Variants in C1QA observed in about 807,000 individuals in gnomAD.
C1QA encodes the protein complement C1q A chain.
A neutral mutation model predicts 6.9 loss-of-function variants in C1QA; 3 were observed. The ratio of observed to expected loss-of-function variants is 0.44; its 90% CI spans 0.20 to 1.12. C1QA has a LOEUF of 1.12. Ranked by LOEUF, C1QA falls within the 50% of genes most tolerant of loss-of-function variation. The probability of loss-of-function intolerance (pLI) is 0.27; values close to 1 mark genes in which losing one functional copy is unlikely to be tolerated. For synonymous variants in C1QA, 128 were observed against 134.1 expected (o/e 0.95, Z 0.31); for missense variants, 273 against 326.6 (o/e 0.84, Z 1.26).
chr1:22,636,961 T>C (rs17883291), intron 1 of C1QA: 186 of 154,692 alleles, frequency 1.2e-3, no homozygotes, highest in African/African-American at 4.4e-3. Flanking sequence ...GGTTCCTGGG[T>C]CCTGGCCCCA....
upstream of C1QA, chr1:22,636,526 G>GA (rs1642184618): frequency 6.6e-6 from 1 of 152,372 alleles, no homozygotes; most frequent in African/African-American, 2.4e-5. Context: ...AAGTCTGCTT[G>GA]AAATGTCCCT....
rs1044379 is a variant in C1QA, at chr1:22,639,563, C to T, written c.*156C>T. Reference sequence around the variant, plus strand: ...GACACATGCTCTAAGAAGCTCGTTTCTTAGACCTCTTCCTGGAATAAACAT... The same window carrying T: ...GACACATGCTCTAAGAAGCTCGTTTTTTAGACCTCTTCCTGGAATAAACAT... On this transcript the variant is annotated 3_prime_UTR_variant, in exon 3 of 3. Coordinates refer to ENST00000374642, the MANE Select transcript of C1QA (RefSeq NM_015991.4). The surrounding 1 kb of genome is among the most constrained non-coding windows in gnomAD (Gnocchi z 4.6). The T allele has an allele frequency of 9.5e-6, 7 of 734,804 alleles. No homozygotes were observed. Among genetic ancestry groups the T allele is most frequent in the Non-Finnish European group, 1.6e-5 (7 of 451,406 alleles). The allele number at this position is 734,804 out of a possible 1,614,324, so 45.5% of individuals were successfully genotyped here.
In C1QA at chr1:22,637,831, C is replaced by T. The variant is rs1481045612; in HGVS notation, c.163+52C>T. 11 of 1,518,030 alleles carry T rather than the reference C, an allele frequency of 7.2e-6. No individual in the cohort carries two copies. In the African/African-American group the frequency reaches 1.4e-4, roughly 19 times the overall value. 94.0% of individuals were successfully genotyped at this position (1,518,030 alleles called of 1,614,324 possible). A position where few individuals can be genotyped will look rare whatever the true frequency, so the allele number is the denominator to read the frequency against. ...CCCTTGGACCTTGGCCTGACTTGGC[C>T]TCCAGGGTGAAGGCTTGGGGTGGCA... On this transcript the variant is annotated intron_variant, in intron 2 of 2. Transcript: ENST00000374642. The surrounding 1 kb of genome is among the most constrained non-coding windows in gnomAD (Gnocchi z 4.4).
At position 22,637,314 on chromosome 1, in the gene C1QA, T is replaced by C. The variant is rs1642195794; in HGVS notation, c.-7-296T>C. On this transcript the variant is annotated intron_variant, in intron 1 of 2. Coordinates refer to ENST00000374642, the MANE Select transcript of C1QA (RefSeq NM_015991.4). This position sits in a 1 kb window ranked among gnomAD's most constrained non-coding sequence, Gnocchi z 4.4. Reference sequence around the variant, plus strand: ...CAGTTGTGTGTCTAGGGGGGTATAGTGGATTTCTGAGTTTGCCTACTGTGT... The same window carrying C: ...CAGTTGTGTGTCTAGGGGGGTATAGCGGATTTCTGAGTTTGCCTACTGTGT... 6.6e-6 allele frequency among the ~76,000 whole-genome samples: 1 copy of C among 152,078 alleles called. No homozygotes were observed. The highest frequency in any genetic ancestry group is 1.5e-5 in the Non-Finnish European group (1 of 68,006).
rs147435427 is a variant in C1QA, at chr1:22,637,706, C to A, written c.90C>A (p.Asp30Glu). The A allele has an allele frequency of 6.2e-7, 1 of 1,613,398 alleles. No individual in the cohort carries two copies. Among genetic ancestry groups the A allele is most frequent in the African/African-American group, 1.3e-5 (1 of 74,866 alleles). Residue 30 changes from aspartate to glutamate, a missense_variant, in exon 2 of 3, where the codon GAC (aspartate) becomes GAA (glutamate). Transcript: ENST00000374642. The surrounding 1 kb of genome is among the most constrained non-coding windows in gnomAD (Gnocchi z 4.4). Reference sequence around the variant, plus strand: ...CCGAGGACTTGTGCCGAGCACCAGACGGGAAGAAAGGGGAGGCAGGAAGAC... The same window carrying A: ...CCGAGGACTTGTGCCGAGCACCAGAAGGGAAGAAAGGGGAGGCAGGAAGAC... ...MVTEDLCRAP[D>E]GKKGEAGRPG...
chr1:22,637,351 G>A lies in C1QA; in HGVS notation c.-7-259G>A, dbSNP rs1642196423. On this transcript the variant is annotated intron_variant, in intron 1 of 2. Coordinates refer to ENST00000374642, the MANE Select transcript of C1QA (RefSeq NM_015991.4). This position sits in a 1 kb window ranked among gnomAD's most constrained non-coding sequence, Gnocchi z 4.4. ...TTTGCCTACTGTGTTTTGTAGGTGC[G>A]TGGATGAGAGCTGTGTTTGTGTGAG... 1.3e-5 allele frequency among the ~76,000 whole-genome samples: 2 copies of A among 152,126 alleles called. No individual in the cohort carries two copies. The highest frequency in any genetic ancestry group is 1.5e-5 in the Non-Finnish European group (1 of 68,026).
chr1:22,637,449 G>A lies in C1QA; in HGVS notation c.-7-161G>A. 1.2e-6 allele frequency: 1 copy of A among 810,542 alleles called. No individual in the cohort carries two copies. Among genetic ancestry groups the A allele is most frequent in the South Asian group, 1.7e-5 (1 of 60,560 alleles). 50.2% of individuals were successfully genotyped at this position (810,542 alleles called of 1,614,324 possible). A position where few individuals can be genotyped will look rare whatever the true frequency, so the allele number is the denominator to read the frequency against. On this transcript the variant is annotated intron_variant, in intron 1 of 2. Coordinates refer to ENST00000374642, the MANE Select transcript of C1QA (RefSeq NM_015991.4). This position sits in a 1 kb window ranked among gnomAD's most constrained non-coding sequence, Gnocchi z 4.4. ...GTTTGTGGTTCTGTGTATATGCGTGGGGTCCTGGGGCTGGATTGAGAGTGG... is the reference window on the plus strand; with the variant it reads ...GTTTGTGGTTCTGTGTATATGCGTGAGGTCCTGGGGCTGGATTGAGAGTGG...
chr1:22,638,874 G>A lies in C1QA; in HGVS notation c.205G>A (p.Asp69Asn). The part of the protein sequence containing the change: ...IRTGIQGLKG[D>N]QGEPGPSGNP... ...GACAGGCATCCAAGGCCTTAAAGGAGACCAGGGGGAACCTGGGCCCTCTGG... is the reference window on the plus strand; with the variant it reads ...GACAGGCATCCAAGGCCTTAAAGGAAACCAGGGGGAACCTGGGCCCTCTGG... Residue 69 changes from aspartate (D) to asparagine (N), a missense_variant, in exon 3 of 3, where the codon GAC becomes AAC. Coordinates refer to ENST00000374642, the MANE Select transcript of C1QA (RefSeq NM_015991.4). 1.9e-6 allele frequency: 3 copies of A among 1,594,980 alleles called. No homozygotes were observed. Among genetic ancestry groups the A allele is most frequent in the Non-Finnish European group, 2.6e-6 (3 of 1,171,388 alleles).
At chr1:22,638,774 C>T in intron 2 of C1QA, 59 bp from the exon 3 acceptor site, 2 of 1,536,466 alleles carry the variant, frequency 1.3e-6, no homozygotes, top group East Asian at 4.9e-5. Flanking sequence ...GTCCAGCTCT[C>T]TCCCTGAGGA....
At position 22,639,436 on chromosome 1, in the gene C1QA, C is replaced by T. The variant is rs1227792976; in HGVS notation, c.*29C>T. ...AGGGAAGGACCCCCTCCCCCACCCA[C>T]CTCTCTGGCTTCCATGCTCCGCCTG... On this transcript the variant is annotated 3_prime_UTR_variant, in exon 3 of 3. Coordinates refer to ENST00000374642, the MANE Select transcript of C1QA (RefSeq NM_015991.4). The surrounding 1 kb of genome is among the most constrained non-coding windows in gnomAD (Gnocchi z 4.6). 6.2e-7 allele frequency: 1 copy of T among 1,607,698 alleles called. No homozygotes were observed. Among genetic ancestry groups the T allele is most frequent in the African/African-American group, 1.3e-5 (1 of 74,898 alleles).
rs1280112516 is a variant in C1QA at position 22,637,583 on chromosome 1, T to C, written c.-7-27T>C. 5.6e-6 allele frequency: 9 copies of C among 1,612,760 alleles called. No individual in the cohort carries two copies. The highest frequency in any genetic ancestry group is 7.6e-6 in the Non-Finnish European group (9 of 1,179,564). ...CTGGGTGTGAGTGTGATGTCCAACC[T>C]GCCCAGGCCCTCCCGTGTCTCCACA... is the stretch of plus-strand genomic sequence containing the variant. On this transcript the variant is annotated intron_variant, in intron 1 of 2. Transcript: ENST00000374642. The surrounding 1 kb of genome is among the most constrained non-coding windows in gnomAD (Gnocchi z 4.4).
chr1:22,636,914 C>G (rs981136562), intron 1 of C1QA: 22 of 152,946 alleles, frequency 1.4e-4, no homozygotes, highest in African/African-American at 5.3e-4. Context: ...GGGTGAGAGG[C>G]GATGAGTTAG....
Position 22,637,193 on chromosome 1 carries a change from G to A in C1QA, c.-7-417G>A, listed in dbSNP as rs2148289635. Among the ~76,000 whole-genome samples, 1 of 152,332 alleles carries A rather than the reference G, an allele frequency of 6.6e-6. No individual in the cohort carries two copies. Among genetic ancestry groups the A allele is most frequent in the South Asian group, 2.1e-4 (1 of 4,828 alleles). On this transcript the variant is annotated intron_variant, in intron 1 of 2. Transcript: ENST00000374642. This position sits in a 1 kb window ranked among gnomAD's most constrained non-coding sequence, Gnocchi z 4.4. ...CCAGTGTTAATTAAATAAGGAGCAG[G>A]CGCTCAATACATATTTGTTCAATGA...
chr1:22,636,899 G>C (rs45475393), intron 1 of C1QA, 197 bp downstream of exon 1: 1 of 152,920 alleles, frequency 6.5e-6, no homozygotes, highest in Non-Finnish European at 1.5e-5. Flanking sequence ...CCAGGGCTTG[G>C]GGGAGGGTGA....
chr1:22,639,279 G>A lies in C1QA; in HGVS notation c.610G>A (p.Gly204Ser). Residue 204 changes from glycine (G) to serine (S), a missense_variant, in exon 3 of 3, where the codon GGC (glycine) becomes AGC (serine). Physicochemically the swap from Gly to Ser is moderately conservative, Grantham distance 56. Transcript: ENST00000374642. The surrounding 1 kb of genome is among the most constrained non-coding windows in gnomAD (Gnocchi z 4.6). ...GGGGCTCTTCCAGGTGGTGTCAGGGGGCATGGTGCTTCAGCTGCAGCAGGG... is the reference window on the plus strand; with the variant it reads ...GGGGCTCTTCCAGGTGGTGTCAGGGAGCATGGTGCTTCAGCTGCAGCAGGG... ...NKGLFQVVSGGMVLQLQQGDQ... is the reference protein window; with the variant it reads ...NKGLFQVVSGSMVLQLQQGDQ... 6.2e-7 allele frequency: 1 copy of A among 1,614,122 alleles called. No homozygotes were observed. Among genetic ancestry groups the A allele is most frequent in the Non-Finnish European group, 8.5e-7 (1 of 1,179,976 alleles).
rs1342597355 is a variant in C1QA, at chr1:22,636,686, T to G, written c.-24T>G. The G allele has an allele frequency of 6.6e-6, 1 of 151,962 alleles. No individual in the cohort carries two copies. Among genetic ancestry groups the G allele is most frequent in the Non-Finnish European group, 1.5e-5 (1 of 68,090 alleles). The allele number at this position is 151,962 out of a possible 1,614,324, so 9.4% of individuals were successfully genotyped here. ...GGAGGGCAGGAGCATCCAGTTGGAG[T>G]TGACAACAGGAGGCAGGTGAGGCCA... On this transcript the variant is annotated 5_prime_UTR_variant, in exon 1 of 3. Transcript: ENST00000374642.
chr1:22,638,911 A>T lies in C1QA; in HGVS notation c.242A>T (p.Lys81Met). Reference sequence around the variant, plus strand: ...CCTGGGCCCTCTGGAAACCCCGGCAAGGTGGGCTACCCAGGGCCCAGCGGC... The same window carrying T: ...CCTGGGCCCTCTGGAAACCCCGGCATGGTGGGCTACCCAGGGCCCAGCGGC... ...GEPGPSGNPG[K>M]VGYPGPSGPL... Residue 81 changes from lysine (K) to methionine (M), a missense_variant, in exon 3 of 3, where the codon AAG becomes ATG. Coordinates refer to ENST00000374642, the MANE Select transcript of C1QA (RefSeq NM_015991.4). The T allele has an allele frequency of 6.3e-7, 1 of 1,597,464 alleles. No homozygotes were observed. The highest frequency in any genetic ancestry group is 1.1e-5 in the South Asian group (1 of 88,464).
In C1QA at chr1:22,639,446, T is replaced by C. The variant is rs1450684445; in HGVS notation, c.*39T>C. ...CCCCTCCCCCACCCACCTCTCTGGC[T>C]TCCATGCTCCGCCTGTAAAATGGGG... On this transcript the variant is annotated 3_prime_UTR_variant, in exon 3 of 3. Transcript: ENST00000374642. This position sits in a 1 kb window ranked among gnomAD's most constrained non-coding sequence, Gnocchi z 4.6. 4 of 1,604,016 alleles carry C rather than the reference T, an allele frequency of 2.5e-6. No homozygotes were observed. Among genetic ancestry groups the C allele is most frequent in the Non-Finnish European group, 3.4e-6 (4 of 1,177,348 alleles).
rs3831122 is a variant in C1QA, at chr1:22,637,814, C to CCTTGGCCTGA, written c.163+44_163+53dup. On this transcript the variant is annotated intron_variant, in intron 2 of 2. Transcript: ENST00000374642. The surrounding 1 kb of genome is among the most constrained non-coding windows in gnomAD (Gnocchi z 4.4). ...CTTCCTCGGGACCCAGCCCCTTGGA[C>CCTTGGCCTGA]CTTGGCCTGACTTGGCCTCCAGGGT... 1 of 1,536,296 alleles carries CCTTGGCCTGA rather than the reference C, an allele frequency of 6.5e-7. No homozygotes were observed. Among genetic ancestry groups the CCTTGGCCTGA allele is most frequent in the East Asian group, 2.4e-5 (1 of 41,068 alleles).
Sources: allele counts gnomAD v4.1 joint callset (sites outside exome capture counted in the v4.1 genomes callset), GRCh38; gene constraint gnomAD v4.1.1; non-coding constraint Gnocchi (gnomAD v3.1); transcripts MANE v1.5; gene names NCBI Gene and HGNC (gene_info 2026-07-23, HGNC 2026-07-21).